WWC2: variants seen among roughly 807,000 people sequenced by gnomAD.
The protein encoded by WWC2 is protein WWC2.
In WWC2, 101 loss-of-function variants were observed where a neutral mutation model predicts 138.5. That is an observed-to-expected ratio of 0.73 (90% CI 0.62 to 0.86). The LOEUF (loss-of-function observed/expected upper bound fraction) is 0.86. Ranked by LOEUF, WWC2 falls within the 40% of genes least tolerant of loss-of-function variation. The pLI is 0.00. For missense variants in WWC2, 1,420 were observed against 1,419.4 expected (o/e 1.00, Z -0.01); for synonymous variants, 558 against 538.4 (o/e 1.04, Z -0.50).
intron 1 of WWC2, among the ~76,000 whole-genome samples, chr4:183,147,979 G>C (rs1237613144): frequency 6.6e-6 from 1 of 152,002 alleles, no homozygotes; most frequent in Non-Finnish European, 1.5e-5. Flanking sequence ...CTTTTGTTTT[G>C]AGTAGTTAAA....
intron 1 of WWC2, among the ~76,000 whole-genome samples, chr4:183,136,732 C>CA (rs1208634659): frequency 6.6e-6 from 1 of 152,168 alleles, no homozygotes; most frequent in East Asian, 1.9e-4. Flanking sequence ...GATATTTTTG[C>CA]AAAATTTTTT....
chr4:183,235,595 C>T (rs1314475251), intron 4 of WWC2, among the ~76,000 whole-genome samples: 1 of 152,218 alleles, frequency 6.6e-6, no homozygotes, highest in Non-Finnish European at 1.5e-5. Flanking sequence ...ATTTGTCCCT[C>T]TGTGACCATC....
chr4:183,260,880 A>G (rs778373317), intron 10 of WWC2, 30 bp from the exon 11 acceptor site: 1 of 1,608,356 alleles, frequency 6.2e-7, no homozygotes, highest in African/African-American at 1.3e-5. Context: ...TTTGTAACAG[A>G]TTTTATGGTG....
intron 1 of WWC2, among the ~76,000 whole-genome samples, chr4:183,139,436 T>C (rs1014002595): frequency 4.6e-5 from 7 of 152,198 alleles, no homozygotes; most frequent in African/African-American, 1.7e-4. Flanking sequence ...GAACTCCCCA[T>C]CTGTCCCCCA....
At chr4:183,150,177 G>A (rs968468037) in intron 1 of WWC2, among the ~76,000 whole-genome samples, 3 of 152,190 alleles carry the variant, frequency 2.0e-5, no homozygotes, top group African/African-American at 7.2e-5. Flanking sequence ...AATGGACTCT[G>A]TACCTGTCCA....
rs1328474404 is a variant in WWC2 at position 183,264,958 on chromosome 4, T to C, written c.1910-20T>C. 1 of 1,606,644 alleles carries C rather than the reference T, an allele frequency of 6.2e-7. No homozygotes were observed. The highest frequency in any genetic ancestry group is 8.5e-7 in the Non-Finnish European group (1 of 1,176,382). The stretch of plus-strand genomic sequence containing the variant: ...CCAAATAAGACATTCTGATTAGTGC[T>C]CTCACCCTCCCCTCCATAGATGTGG... On this transcript the variant is annotated intron_variant, in intron 11 of 22. Coordinates refer to ENST00000403733, the MANE Select transcript of WWC2 (RefSeq NM_024949.6).
chr4:183,301,817 T>C (rs1738849919), intron 21 of WWC2, among the ~76,000 whole-genome samples: 1 of 152,252 alleles, frequency 6.6e-6, no homozygotes, highest in African/African-American at 2.4e-5. Flanking sequence ...GGAGTTGTAC[T>C]TCCCAGAGGT....
intron 21 of WWC2, among the ~76,000 whole-genome samples, chr4:183,303,521 A>G (rs1054694537): frequency 1.1e-4 from 16 of 152,210 alleles, no homozygotes; most frequent in Non-Finnish European, 2.4e-4. Context: ...CTTTTACCCC[A>G]TGACGACAGT....
chr4:183,164,024 TGGTA>T lies in WWC2; in HGVS notation c.132-29574_132-29571del, dbSNP rs373703467. Among the ~76,000 whole-genome samples the T allele has an allele frequency of 4.4e-4, 67 of 152,010 alleles. 1 individual carries two copies. In the East Asian group the frequency reaches 0.01, roughly 23 times the overall value. On this transcript the variant is annotated intron_variant, in intron 1 of 22. Transcript: ENST00000403733. ...TTGGGATTGACTCAATTTAACAAAA[TGGTA>T]CTATTAGAGTTTTTGAGGATAATGA...
At chr4:183,112,932 C>T (rs961796017) in intron 1 of WWC2, among the ~76,000 whole-genome samples, 1 of 151,886 alleles carries the variant, frequency 6.6e-6, no homozygotes, top group African/African-American at 2.4e-5. Flanking sequence ...ATGATACCTT[C>T]TAGGAGTATG....
chr4:183,227,597 A>G (rs905445173), intron 4 of WWC2, among the ~76,000 whole-genome samples: 1 of 152,138 alleles, frequency 6.6e-6, no homozygotes, highest in African/African-American at 2.4e-5. Flanking sequence ...GAAAATTATC[A>G]AGAAAATACG....
At position 183,318,507 on chromosome 4, in the gene WWC2, C is replaced by T. The variant is rs1341785686; in HGVS notation, c.*2778C>T. 1 of 150,782 alleles carries T rather than the reference C, an allele frequency of 6.6e-6. No homozygotes were observed. The highest frequency in any genetic ancestry group is 1.5e-5 in the Non-Finnish European group (1 of 67,706). The allele number at this position is 150,782 out of a possible 1,614,324, so 9.3% of individuals were successfully genotyped here. ...CAGTGGTTTTTTTTAAAAAAAAAAG[C>T]AAAAACAAAGCTACATATTGCCTAA... On this transcript the variant is annotated 3_prime_UTR_variant, in exon 23 of 23. Transcript: ENST00000403733.
In WWC2 at chr4:183,312,546, G is replaced by A; in HGVS notation, c.3512+78G>A. The A allele has an allele frequency of 3.2e-6, 5 of 1,585,574 alleles. No homozygotes were observed. In the South Asian group the frequency reaches 5.6e-5, roughly 18 times the overall value. On this transcript the variant is annotated intron_variant, in intron 22 of 22. Transcript: ENST00000403733. Reference sequence around the variant, plus strand: ...GTGTAGGAATTCACCTCAGTGCAGTGAAAGTTAATATGAGGATCCGAGACA... The same window carrying A: ...GTGTAGGAATTCACCTCAGTGCAGTAAAAGTTAATATGAGGATCCGAGACA...
Position 183,240,175 on chromosome 4 carries a change from C to CT in WWC2, c.523-5dup. 1 of 1,540,278 alleles carries CT rather than the reference C, an allele frequency of 6.5e-7. No individual in the cohort carries two copies. The highest frequency in any genetic ancestry group is 8.7e-7 in the Non-Finnish European group (1 of 1,143,074). On this transcript the variant is annotated splice_region_variant and splice_polypyrimidine_tract_variant and intron_variant, in intron 4 of 22. Transcript: ENST00000403733. ...AACATTAATGTTTATGTTGATTTCTCTTTAAAGGTTAAAAAGCTAAAGAGA... is the reference window on the plus strand; with the variant it reads ...AACATTAATGTTTATGTTGATTTCTCTTTTAAAGGTTAAAAAGCTAAAGAGA...
At position 183,178,581 on chromosome 4, in the gene WWC2, T is replaced by TA. The variant is rs75621020; in HGVS notation, c.132-15001dup. 6.7e-3 allele frequency among the ~76,000 whole-genome samples: 869 copies of TA among 129,800 alleles called. 8 individuals carry two copies. Among genetic ancestry groups the TA allele is most frequent in the African/African-American group, 0.013 (468 of 35,438 alleles). 85.2% of individuals were successfully genotyped at this position (129,800 alleles called of 152,430 possible). ...GTCTTGCTGTGCTGCCCAGTCTCTT[T>TA]AAAAAAAAAAAAAAAAAGTAAAAAT... On this transcript the variant is annotated intron_variant, in intron 1 of 22. Transcript: ENST00000403733.
At chr4:183,242,906 G>A (rs543213896) in intron 5 of WWC2, among the ~76,000 whole-genome samples, 31 of 152,270 alleles carry the variant, frequency 2.0e-4, no homozygotes, top group African/African-American at 5.5e-4. Flanking sequence ...GGTGGGAAAT[G>A]AAAAGTGGAG....
At position 183,315,674 on chromosome 4, in the gene WWC2, C is replaced by T; in HGVS notation, c.3524C>T (p.Ala1175Val). The change falls in exon 23 of 23, where the codon GCC becomes GTC. Residue 1175 changes from alanine to valine, a missense_variant. Transcript: ENST00000403733. ...RQVQSFREKIAYFTRAKISIP... is the reference protein window; with the variant it reads ...RQVQSFREKIVYFTRAKISIP... ...CACCCCAACTCTAGGGAGAAGATTG[C>T]CTACTTCACCAGAGCAAAGATAAGC... The T allele has an allele frequency of 2.5e-6, 4 of 1,612,776 alleles. No individual in the cohort carries two copies. The highest frequency in any genetic ancestry group is 3.4e-6 in the Non-Finnish European group (4 of 1,179,132).
rs4327525 is a variant in WWC2, at chr4:183,165,487, A to C, written c.132-28112A>C. 3.4e-3 allele frequency among the ~76,000 whole-genome samples: 517 copies of C among 152,324 alleles called. 10 individuals are homozygous for C. In the South Asian group the frequency reaches 0.044, roughly 13 times the overall value. On this transcript the variant is annotated intron_variant, in intron 1 of 22. Transcript: ENST00000403733. ...GAGGAATAGGTACACTGTTTCTTTT[A>C]GTAACTAATGTTTAATTTTTAGAGA...
rs187029286 is a variant in WWC2 at position 183,258,173 on chromosome 4, G to A, written c.1197-1466G>A. On this transcript the variant is annotated intron_variant, in intron 9 of 22. Transcript: ENST00000403733. ...TGTTTCTCTTGTTTCAGAAGACATGGATTTTAGTAGAGTTTGGGGCTTTCT... is the reference window on the plus strand; with the variant it reads ...TGTTTCTCTTGTTTCAGAAGACATGAATTTTAGTAGAGTTTGGGGCTTTCT... Among the ~76,000 whole-genome samples, 11 of 152,312 alleles carry A rather than the reference G, an allele frequency of 7.2e-5. No homozygotes were observed. In the East Asian group the frequency reaches 2.1e-3, roughly 29 times the overall value.
Sources: gnomAD v4.1 joint callset for allele counts (sites outside exome capture counted in the v4.1 genomes callset) on GRCh38, gnomAD v4.1.1 for gene constraint, MANE v1.5 for transcripts, NCBI Gene and HGNC (gene_info 2026-07-23, HGNC 2026-07-21) for gene names.